Variants in PREX2 observed in about 807,000 individuals in gnomAD.
PREX2 encodes phosphatidylinositol-3,4,5-trisphosphate dependent Rac exchange factor 2.
PREX2 carries 107 observed loss-of-function variants against 203.2 expected under a neutral mutation model. The ratio of observed to expected loss-of-function variants is 0.53; its 90% CI spans 0.45 to 0.62. The LOEUF (loss-of-function observed/expected upper bound fraction) is 0.62, where lower values mean the gene tolerates loss of function less well. Ranked by LOEUF, PREX2 falls within the 20% of genes least tolerant of loss-of-function variation. PREX2 has a pLI of 0.00. For missense variants in PREX2, 1,777 were observed against 1,955.9 expected (o/e 0.91, Z 1.72); for synonymous variants, 672 against 663.6 (o/e 1.01, Z -0.19).
intron 39 of PREX2, among the ~76,000 whole-genome samples, chr8:68,224,958 G>A (rs1342767646): frequency 6.6e-6 from 1 of 152,034 alleles, no homozygotes; most frequent in Non-Finnish European, 1.5e-5. Context: ...GTTCCTTCTA[G>A]CATGATTGCC....
chr8:68,232,526 C>A lies in PREX2; in HGVS notation c.*1148C>A, dbSNP rs1202558553. 1 of 152,104 alleles carries A rather than the reference C, an allele frequency of 6.6e-6. No individual in the cohort carries two copies. The highest frequency in any genetic ancestry group is 1.5e-5 in the Non-Finnish European group (1 of 68,018). The allele number at this position is 152,104 out of a possible 1,614,324, so 9.4% of individuals were successfully genotyped here. A position where few individuals can be genotyped will look rare whatever the true frequency, so the allele number is the denominator to read the frequency against. ...TTATTTTAAATCCATAATTTTCAAA[C>A]AAAACACTCATGATTGTGATAATTA... On this transcript the variant is annotated 3_prime_UTR_variant, in exon 40 of 40. Transcript: ENST00000288368.
chr8:68,101,264 A>C, intron 23 of PREX2: 1 of 483,306 alleles, frequency 2.1e-6, no homozygotes, highest in East Asian at 5.8e-5. Context: ...TTAATACCCA[A>C]GGGACTCACA....
chr8:68,150,656 G>T lies in PREX2; in HGVS notation c.4231+4304G>T, dbSNP rs552991890. Among the ~76,000 whole-genome samples the T allele has an allele frequency of 2.0e-5, 3 of 152,278 alleles. No homozygotes were observed. The South Asian group carries it at 6.2e-4, about 32-fold the overall frequency. Reference sequence around the variant, plus strand: ...TAGGGTGGAGCAGCTTTGCCAAGGTGGCGATTGATCTTCTTGGCTGTGGGT... The same window carrying T: ...TAGGGTGGAGCAGCTTTGCCAAGGTTGCGATTGATCTTCTTGGCTGTGGGT... On this transcript the variant is annotated intron_variant, in intron 34 of 39. Transcript: ENST00000288368.
chr8:67,957,039 C>G (rs182118072), intron 1 of PREX2, among the ~76,000 whole-genome samples: 84 of 152,320 alleles, frequency 5.5e-4, no homozygotes, highest in Non-Finnish European at 5.9e-5. Flanking sequence ...GGGCTTGGCC[C>G]ATCTGGCTCA....
intron 8 of PREX2, among the ~76,000 whole-genome samples, chr8:68,045,250 T>C (rs779886551): frequency 6.6e-6 from 1 of 152,062 alleles, no homozygotes; most frequent in Non-Finnish European, 1.5e-5. Context: ...GTCTCTAAAA[T>C]AAATACTTAG....
intron 23 of PREX2, among the ~76,000 whole-genome samples, chr8:68,104,078 C>T (rs184917687): frequency 1.3e-5 from 2 of 152,312 alleles, no homozygotes; most frequent in Admixed American, 1.3e-4. Context: ...TATGCCCATC[C>T]TCCCCATTGC....
chr8:67,981,726 C>A (rs939714547), intron 1 of PREX2, among the ~76,000 whole-genome samples: 3 of 152,212 alleles, frequency 2.0e-5, no homozygotes, highest in Non-Finnish European at 4.4e-5. Context: ...AATACAGATA[C>A]TCTTGATATC....
chr8:68,229,484 A>G (rs1054793836), intron 39 of PREX2, among the ~76,000 whole-genome samples: 4 of 152,170 alleles, frequency 2.6e-5, no homozygotes, highest in African/African-American at 9.7e-5. Context: ...TGCAATTTCC[A>G]TTACAAATGT....
intron 10 of PREX2, among the ~76,000 whole-genome samples, chr8:68,057,824 C>A (rs1261006269): frequency 6.6e-6 from 1 of 152,146 alleles, no homozygotes; most frequent in African/African-American, 2.4e-5. Flanking sequence ...CAGTTGACAC[C>A]CTGCCTTCTT....
intron 1 of PREX2, among the ~76,000 whole-genome samples, chr8:67,994,040 A>G (rs1806689293): frequency 6.6e-6 from 1 of 152,224 alleles, no homozygotes; most frequent in South Asian, 2.1e-4. Flanking sequence ...GCTGAGAGAT[A>G]ATATTTTAAA....
chr8:68,025,868 GTACTAA>G (rs772466676), intron 4 of PREX2, among the ~76,000 whole-genome samples: 29 of 152,108 alleles, frequency 1.9e-4, no homozygotes, highest in South Asian at 4.1e-4. Flanking sequence ...AATCTATACA[GTACTAA>G]TACACAAGGC....
intron 23 of PREX2, chr8:68,105,232 T>C (rs1183687710): frequency 2.2e-6 from 3 of 1,367,672 alleles, no homozygotes; most frequent in Non-Finnish European, 9.8e-7. Context: ...ACATTTCCAG[T>C]ACCTGTGACT....
chr8:68,177,395 A>G (rs939394510), intron 35 of PREX2, among the ~76,000 whole-genome samples: 4 of 152,120 alleles, frequency 2.6e-5, no homozygotes, highest in African/African-American at 9.7e-5. Context: ...CTCACCCCTC[A>G]TCTCTACAAA....
intron 15 of PREX2, among the ~76,000 whole-genome samples, chr8:68,078,834 A>G (rs1809429124): frequency 1.3e-5 from 2 of 152,182 alleles, no homozygotes; most frequent in African/African-American, 4.8e-5. Context: ...AGCGTTTATT[A>G]TAAAATATTG....
At chr8:67,994,139 T>C (rs1034365408) in intron 1 of PREX2, among the ~76,000 whole-genome samples, 1 of 152,214 alleles carries the variant, frequency 6.6e-6, no homozygotes, top group African/African-American at 2.4e-5. Flanking sequence ...CCTAGGAGAT[T>C]CCATTGGTTA....
chr8:68,117,607 T>C (rs1384504561), intron 26 of PREX2, among the ~76,000 whole-genome samples: 1 of 152,210 alleles, frequency 6.6e-6, no homozygotes, highest in African/African-American at 2.4e-5. Flanking sequence ...TAGGCTAAGA[T>C]AGAAATTTTA....
At chr8:68,090,321 A>G (rs983842087) in intron 19 of PREX2, among the ~76,000 whole-genome samples, 1 of 152,216 alleles carries the variant, frequency 6.6e-6, no homozygotes, top group East Asian at 1.9e-4. Context: ...ACTGATTAGT[A>G]TTATAAAGGT....
intron 37 of PREX2, among the ~76,000 whole-genome samples, chr8:68,208,583 T>C (rs1812685854): frequency 6.6e-6 from 1 of 152,188 alleles, no homozygotes; most frequent in Non-Finnish European, 1.5e-5. Context: ...TTTTAATAGC[T>C]GAATAAAATG....
chr8:68,011,709 A>G (rs1314925629), intron 1 of PREX2, among the ~76,000 whole-genome samples: 7 of 152,116 alleles, frequency 4.6e-5, no homozygotes, highest in Admixed American at 4.6e-4. Flanking sequence ...GTTAAAACCT[A>G]CCTCTACTGT....
Sources: gnomAD v4.1 joint callset for allele counts (sites outside exome capture counted in the v4.1 genomes callset) on GRCh38, gnomAD v4.1.1 for gene constraint, MANE v1.5 for transcripts, NCBI Gene and HGNC (gene_info 2026-07-23, HGNC 2026-07-21) for gene names.